Variants in AR observed in about 807,000 individuals in gnomAD.
AR encodes the protein dihydrotestosterone receptor.
A neutral mutation model predicts 53.9 loss-of-function variants in AR; 8 were observed. The ratio of observed to expected loss-of-function variants is 0.15; its 90% CI spans 0.09 to 0.27. The LOEUF (loss-of-function observed/expected upper bound fraction) is 0.27, where lower values mean the gene tolerates loss of function less well. Ranked by LOEUF, AR falls within the 10% of genes least tolerant of loss-of-function variation. The probability of loss-of-function intolerance (pLI) is 1.00; values close to 1 mark genes in which losing one functional copy is unlikely to be tolerated. For synonymous variants in AR, 359 were observed against 316.4 expected, an observed-to-expected ratio of 1.13 and a Z score of -1.43; for missense variants, 639 against 742.5, an observed-to-expected ratio of 0.86 and a Z score of 1.62.
chrX:67,581,406 A>G (rs1295055158), intron 1 of AR, among the ~76,000 whole-genome samples: 1 of 112,079 alleles, frequency 8.9e-6, no homozygotes, highest in Non-Finnish European at 1.9e-5. Flanking sequence ...GAATATTTAT[A>G]AAGTCAAAAA....
At position 67,726,093 on chromosome X, in the gene AR, C is replaced by T. The variant is rs1028237594; in HGVS notation, c.*2252C>T. On this transcript the variant is annotated 3_prime_UTR_variant, in exon 8 of 8. Transcript: ENST00000374690. ...TGATATGATCCACAAGGGTTTCCTT[C>T]CCTGATTTCTGCATTGATATTAATA... 2.9e-5 allele frequency: 5 copies of T among 174,121 alleles called. No individual in the cohort carries two copies. Among genetic ancestry groups the T allele is most frequent in the Non-Finnish European group, 4.4e-5 (4 of 91,504 alleles). 14.3% of individuals were successfully genotyped at this position (174,121 alleles called of 1,213,427 possible).
At chrX:67,662,208 C>T (rs778852027) in intron 2 of AR, among the ~76,000 whole-genome samples, 18 of 111,442 alleles carry the variant, frequency 1.6e-4, no homozygotes, top group African/African-American at 4.9e-4. Flanking sequence ...CTGCTCTGAT[C>T]TTAGTTATTT....
chrX:67,604,198 A>ATGTGTGTGTGTGTGTGTGTG lies in AR; in HGVS notation c.1617-39030_1617-39011dup, dbSNP rs72092334. Among the ~76,000 whole-genome samples, 87 of 78,135 alleles carry ATGTGTGTGTGTGTGTGTGTG rather than the reference A, an allele frequency of 1.1e-3. 1 individual carries two copies. Among genetic ancestry groups the ATGTGTGTGTGTGTGTGTGTG allele is most frequent in the Middle Eastern group, 7.1e-3 (1 of 140 alleles). The allele number at this position is 78,135 out of a possible 115,157, so 67.9% of individuals were successfully genotyped here. On this transcript the variant is annotated intron_variant, in intron 1 of 7. Coordinates refer to ENST00000374690, the MANE Select transcript of AR (RefSeq NM_000044.6). ...AGAAGGTCAGAAGCTGGGGAGAAATATGTGTGTGTGTGTGTGTGTGTGTGT... is the reference window on the plus strand; with the variant it reads ...AGAAGGTCAGAAGCTGGGGAGAAATATGTGTGTGTGTGTGTGTGTGTGTGTGTGTGTGTGTGTGTGTGTGT...
chrX:67,681,465 C>T lies in AR; in HGVS notation c.1769-4545C>T, dbSNP rs190077311. On this transcript the variant is annotated intron_variant, in intron 2 of 7. Transcript: ENST00000374690. ...GTCTTCAGACTATAATCACCCACAC[C>T]ATATTTCCTTTGGATCCACTTTCCA... Among the ~76,000 whole-genome samples, 26 of 112,270 alleles carry T rather than the reference C, an allele frequency of 2.3e-4. No homozygotes were observed. The East Asian group carries it at 7.3e-3, about 32-fold the overall frequency.
At chrX:67,639,154 C>G (rs1440746672) in intron 1 of AR, among the ~76,000 whole-genome samples, 2 of 111,486 alleles carry the variant, frequency 1.8e-5, no homozygotes, top group Admixed American at 9.5e-5. Flanking sequence ...TCTGAGACCT[C>G]TGTTCTGTTC....
intron 2 of AR, among the ~76,000 whole-genome samples, chrX:67,679,758 G>T (rs961703545): frequency 9.0e-5 from 10 of 111,352 alleles, no homozygotes; most frequent in Admixed American, 5.8e-4. Context: ...CCTGTCTGTT[G>T]CCCATTTTTC....
chrX:67,606,599 A>G (rs1224582934), intron 1 of AR, among the ~76,000 whole-genome samples: 2 of 112,585 alleles, frequency 1.8e-5, no homozygotes, highest in East Asian at 2.8e-4. Flanking sequence ...TATGAACACA[A>G]TCTTAGAAGG....
chrX:67,717,736 C>T (rs1176539836), intron 5 of AR, 114 bp downstream of exon 5: 48 of 1,045,137 alleles, frequency 4.6e-5, no homozygotes, highest in African/African-American at 3.7e-5. Context: ...CTGCAGTTGT[C>T]GCAGCGGATG....
chrX:67,636,145 T>G (rs12857354), intron 1 of AR, among the ~76,000 whole-genome samples: 1 of 111,260 alleles, frequency 9.0e-6, no homozygotes, highest in Non-Finnish European at 1.9e-5. Flanking sequence ...GCATGGATTT[T>G]TGTCCATTTT....
At chrX:67,660,295 A>G (rs1303510386) in intron 2 of AR, among the ~76,000 whole-genome samples, 3 of 111,871 alleles carry the variant, frequency 2.7e-5, no homozygotes, top group Non-Finnish European at 5.6e-5. Flanking sequence ...GCCCATGCCT[A>G]TGTCCTGAAT....
At chrX:67,703,076 CA>C (rs748902284) in intron 3 of AR, among the ~76,000 whole-genome samples, 1 of 110,887 alleles carries the variant, frequency 9.0e-6, no homozygotes, top group South Asian at 3.8e-4. Flanking sequence ...GATCCTCCTT[CA>C]AAAAATAAAT....
rs763627481 is a variant in AR at position 67,722,674 on chromosome X, C to T, written c.2450-153C>T. ...TGAGATCTCCCTGACAGACTGAAGG[C>T]CCCAAGCACACAGACTTCAACTAAC... On this transcript the variant is annotated intron_variant, in intron 6 of 7. Coordinates refer to ENST00000374690, the MANE Select transcript of AR (RefSeq NM_000044.6). The T allele has an allele frequency of 3.7e-5, 22 of 599,430 alleles. No individual in the cohort carries two copies. The South Asian group carries it at 5.1e-4, about 14-fold the overall frequency. 49.4% of individuals were successfully genotyped at this position (599,430 alleles called of 1,213,427 possible). A position where few individuals can be genotyped will look rare whatever the true frequency, so the allele number is the denominator to read the frequency against.
At chrX:67,719,174 C>T (rs2076125792) in intron 5 of AR, among the ~76,000 whole-genome samples, 1 of 112,004 alleles carries the variant, frequency 8.9e-6, no homozygotes, top group South Asian at 3.7e-4. Flanking sequence ...TAGCCAAAAG[C>T]TAAGAATAAC....
chrX:67,604,844 A>G (rs1485764485), intron 1 of AR, among the ~76,000 whole-genome samples: 1 of 111,804 alleles, frequency 8.9e-6, no homozygotes, highest in Non-Finnish European at 1.9e-5. Context: ...ACCTTCTCCC[A>G]GAGATTCTGA....
At chrX:67,598,283 GTT>G (rs1223399786) in intron 1 of AR, among the ~76,000 whole-genome samples, 8 of 94,877 alleles carry the variant, frequency 8.4e-5, no homozygotes, top group African/African-American at 1.5e-4. Flanking sequence ...TTGTAGCAAT[GTT>G]TTTTTTTTTT....
intron 1 of AR, among the ~76,000 whole-genome samples, chrX:67,563,099 T>A (rs2147339334): frequency 8.9e-6 from 1 of 112,001 alleles, no homozygotes; most frequent in Non-Finnish European, 1.9e-5. Context: ...TTACAGTCAC[T>A]TTTTAACAAT....
intron 1 of AR, among the ~76,000 whole-genome samples, chrX:67,641,981 A>T (rs1413647192): frequency 9.1e-6 from 1 of 110,107 alleles, no homozygotes; most frequent in Non-Finnish European, 1.9e-5. Flanking sequence ...TGGACTTGTA[A>T]TCAAATTGTC....
intron 2 of AR, among the ~76,000 whole-genome samples, chrX:67,649,203 C>G (rs1926210732): frequency 8.9e-6 from 1 of 112,285 alleles, no homozygotes; most frequent in Admixed American, 9.5e-5. Context: ...AGGACATGAA[C>G]TCATCCTTTT....
At chrX:67,690,269 A>C (rs1485505246) in intron 3 of AR, among the ~76,000 whole-genome samples, 2 of 112,058 alleles carry the variant, frequency 1.8e-5, no homozygotes, top group Non-Finnish European at 3.8e-5. Context: ...ATAAAAACTT[A>C]ACATATCTAC....
Sources: allele counts gnomAD v4.1 joint callset (sites outside exome capture counted in the v4.1 genomes callset), GRCh38; gene constraint gnomAD v4.1.1; transcripts MANE v1.5; gene names NCBI Gene and HGNC (gene_info 2026-07-23, HGNC 2026-07-21).